TACR3: variants seen among roughly 807,000 people sequenced by gnomAD.
TACR3 encodes tachykinin receptor 3.
TACR3 carries 34 observed loss-of-function variants against 35.0 expected under a neutral mutation model. The observed-to-expected ratio is 0.97, with a 90% confidence interval of 0.74 to 1.30. The LOEUF (loss-of-function observed/expected upper bound fraction) is 1.30, where lower values mean the gene tolerates loss of function less well. TACR3 is among the 50% of genes most tolerant of loss of function. TACR3 has a pLI of 0.00. For missense variants in TACR3, 558 were observed against 591.7 expected, an observed-to-expected ratio of 0.94 and a Z score of 0.59; for synonymous variants, 233 against 221.1, an observed-to-expected ratio of 1.05 and a Z score of -0.48.
chr4:103,635,074 G>A lies in TACR3; in HGVS notation c.888+21120C>T, dbSNP rs117154621. ...TCACCATTTGATGTGCTGGGTCTGCGCATACAAGTATATTACCTACATTAT... is the reference window on the plus strand; with the variant it reads ...TCACCATTTGATGTGCTGGGTCTGCACATACAAGTATATTACCTACATTAT... On this transcript the variant is annotated intron_variant, in intron 3 of 4. Coordinates refer to ENST00000304883, the MANE Select transcript of TACR3 (RefSeq NM_001059.3). 3.4e-3 allele frequency among the ~76,000 whole-genome samples: 510 copies of A among 151,968 alleles called. 5 individuals carry two copies. Among genetic ancestry groups the A allele is most frequent in the African/African-American group, 0.011 (460 of 41,488 alleles).
chr4:103,618,906 T>C (rs1264269364), intron 3 of TACR3, among the ~76,000 whole-genome samples: 1 of 152,168 alleles, frequency 6.6e-6, no homozygotes, highest in Non-Finnish European at 1.5e-5. Context: ...GGAATGCTGG[T>C]ATATAGAAAT....
rs753772840 is a variant in TACR3, at chr4:103,719,303, C to T, written c.373G>A (p.Val125Met). 1.2e-6 allele frequency: 2 copies of T among 1,614,224 alleles called. No homozygotes were observed. Among genetic ancestry groups the T allele is most frequent in the East Asian group, 2.2e-5 (1 of 44,876 alleles). Residue 125 changes from valine to methionine, a missense_variant, in exon 1 of 5, where the codon GTG (valine) becomes ATG (methionine). By Grantham distance (21) the Val-to-Met change is conservative. Transcript: ENST00000304883. Reference sequence around the variant, plus strand: ...GAGGCGTCGGAGAAAGCCAGGTTCACAAGGAAGTAGTTGGTGACAGTCCTC... The same window carrying T: ...GAGGCGTCGGAGAAAGCCAGGTTCATAAGGAAGTAGTTGGTGACAGTCCTC... The part of the protein sequence containing the change: ...RMRTVTNYFL[V>M]NLAFSDASMA...
chr4:103,601,010 A>G (rs1020631009), intron 3 of TACR3, among the ~76,000 whole-genome samples: 2 of 151,964 alleles, frequency 1.3e-5, no homozygotes, highest in Non-Finnish European at 2.9e-5. Flanking sequence ...ATTCTTGGGT[A>G]TCTTTGTTAA....
chr4:103,689,922 A>C (rs1722361746), intron 1 of TACR3, among the ~76,000 whole-genome samples: 2 of 152,180 alleles, frequency 1.3e-5, no homozygotes, highest in South Asian at 4.1e-4. Flanking sequence ...TGAAAGAAAA[A>C]GTAAACAACA....
intron 3 of TACR3, among the ~76,000 whole-genome samples, chr4:103,606,085 C>T (rs1418395678): frequency 1.3e-5 from 2 of 151,500 alleles, no homozygotes; most frequent in African/African-American, 2.4e-5. Context: ...ATAGGGAATC[C>T]TTTCCCCATT....
At chr4:103,610,712 G>T (rs1030936453) in intron 3 of TACR3, among the ~76,000 whole-genome samples, 1 of 152,070 alleles carries the variant, frequency 6.6e-6, no homozygotes, top group African/African-American at 2.4e-5. Flanking sequence ...CCAGATCAAT[G>T]TCATAAAGCA....
chr4:103,614,396 T>C (rs936418332), intron 3 of TACR3, among the ~76,000 whole-genome samples: 11 of 152,170 alleles, frequency 7.2e-5, no homozygotes, highest in Admixed American at 3.9e-4. Flanking sequence ...TTCTAAGGTC[T>C]AGGTTTTATT....
chr4:103,598,234 G>T (rs576117483), intron 3 of TACR3, among the ~76,000 whole-genome samples: 23 of 152,174 alleles, frequency 1.5e-4, no homozygotes, highest in African/African-American at 5.3e-4. Flanking sequence ...TGTGTTTTTC[G>T]GCTGCATAAA....
chr4:103,657,122 T>C (rs1406347053), intron 2 of TACR3, among the ~76,000 whole-genome samples: 1 of 152,088 alleles, frequency 6.6e-6, no homozygotes, highest in Admixed American at 6.6e-5. Flanking sequence ...AGCCCAAATA[T>C]AATTTATAAT....
At chr4:103,699,601 A>C (rs1458436643) in intron 1 of TACR3, among the ~76,000 whole-genome samples, 1 of 152,170 alleles carries the variant, frequency 6.6e-6, no homozygotes, top group African/African-American at 2.4e-5. Context: ...GTATTGTAGT[A>C]ATTTAGGTGA....
chr4:103,615,122 T>G (rs1724615737), intron 3 of TACR3, among the ~76,000 whole-genome samples: 1 of 151,942 alleles, frequency 6.6e-6, no homozygotes, highest in South Asian at 2.1e-4. Flanking sequence ...GGTCTCGATC[T>G]CCTGACCTCG....
intron 1 of TACR3, among the ~76,000 whole-genome samples, chr4:103,702,859 C>G (rs1057327282): frequency 2.3e-5 from 3 of 131,356 alleles, no homozygotes; most frequent in African/African-American, 3.0e-5. Context: ...AATGAGAACA[C>G]ATGGACACAG....
intron 1 of TACR3, among the ~76,000 whole-genome samples, chr4:103,680,306 G>A (rs1336798834): frequency 6.6e-6 from 1 of 151,622 alleles, no homozygotes; most frequent in African/African-American, 2.4e-5. Flanking sequence ...TGCTTAGTCT[G>A]TAGAAATTTT....
chr4:103,636,500 TCATAATAC>T (rs1553970332), intron 3 of TACR3, among the ~76,000 whole-genome samples: 1 of 152,018 alleles, frequency 6.6e-6, no homozygotes, highest in Non-Finnish European at 1.5e-5. Context: ...GCCTTTTATC[TCATAATAC>T]GTAAATAATA....
intron 1 of TACR3, among the ~76,000 whole-genome samples, chr4:103,680,721 C>T (rs190268988): frequency 1.8e-4 from 27 of 151,766 alleles, no homozygotes; most frequent in Non-Finnish European, 3.5e-4. Flanking sequence ...CATCTATCAC[C>T]TGAAATTACT....
At chr4:103,598,881 G>T (rs528533645) in intron 3 of TACR3, among the ~76,000 whole-genome samples, 49 of 152,300 alleles carry the variant, frequency 3.2e-4, no homozygotes, top group Non-Finnish European at 6.3e-4. Flanking sequence ...TTGAAGTCAG[G>T]TAGCATGATG....
At chr4:103,657,670 T>A (rs1350465708) in intron 2 of TACR3, among the ~76,000 whole-genome samples, 1 of 152,146 alleles carries the variant, frequency 6.6e-6, no homozygotes, top group African/African-American at 2.4e-5. Flanking sequence ...CTCTATTTAA[T>A]GTGGGTATAA....
At chr4:103,661,788 A>C (rs1442386506) in intron 1 of TACR3, among the ~76,000 whole-genome samples, 1 of 152,172 alleles carries the variant, frequency 6.6e-6, no homozygotes, top group Non-Finnish European at 1.5e-5. Flanking sequence ...AGAGATACTG[A>C]AACTTCTAGC....
intron 3 of TACR3, among the ~76,000 whole-genome samples, chr4:103,638,692 C>T (rs529497728): frequency 1.3e-5 from 2 of 152,246 alleles, no homozygotes; most frequent in East Asian, 3.9e-4. Flanking sequence ...ACCTACTTAT[C>T]TGACAAAGGG....
Sources: gnomAD v4.1 joint callset for allele counts (sites outside exome capture counted in the v4.1 genomes callset) on GRCh38, gnomAD v4.1.1 for gene constraint, MANE v1.5 for transcripts, NCBI Gene and HGNC (gene_info 2026-07-23, HGNC 2026-07-21) for gene names.